The following LMF1 variants were observed in gnomAD, a reference collection of about 807,000 sequenced individuals.
LMF1 encodes lipase maturation factor 1, also known as transmembrane protein 112.
Under a neutral mutation model 60.6 loss-of-function variants are expected in LMF1, and 68 were observed. The ratio of observed to expected loss-of-function variants is 1.12; its 90% confidence interval spans 0.92 to 1.37. The LOEUF (loss-of-function observed/expected upper bound fraction) is 1.37, where lower values mean the gene tolerates loss of function less well. Ranked by LOEUF, LMF1 falls within the 40% of genes most tolerant of loss-of-function variation. LMF1 has a pLI of 0.00. For missense variants in LMF1, 948 were observed against 767.2 expected, an observed-to-expected ratio of 1.24 and a Z score of -2.78; for synonymous variants, 418 against 324.7, an observed-to-expected ratio of 1.29 and a Z score of -3.09.
At chr16:949,950 C>T (rs1185263098) in intron 2 of LMF1, among the ~76,000 whole-genome samples, 1 of 138,862 alleles carries the variant, frequency 7.2e-6, no homozygotes, top group African/African-American at 2.9e-5. Context: ...TCAGAGCCAA[C>T]GACAGAGTCA....
rs760453350 is a variant in LMF1 at position 879,718 on chromosome 16, G to C, written c.749C>G (p.Pro250Arg). ...FHYETQPMPN[P>R]VAYYLHHSPW... ...TGAGTGGTGCAGGTAGTACGCCACA[G>C]GATTGGGCATCGGCTGGGTCTGCAG... Residue 250 changes from proline to arginine, a missense_variant, in exon 6 of 11, where the codon CCT becomes CGT. Transcript: ENST00000262301. The C allele has an allele frequency of 4.1e-5, 65 of 1,595,168 alleles. No homozygotes were observed. The highest frequency in any genetic ancestry group is 6.0e-6 in the Non-Finnish European group (7 of 1,171,336).
At chr16:976,561 T>C (rs955876371) in intron 1 of LMF1, 2 of 454,092 alleles carry the variant, frequency 4.4e-6, no homozygotes, top group South Asian at 3.1e-5. Flanking sequence ...GGCTCCTGCC[T>C]AGGGATGTTT....
chr16:933,917 C>G (rs2071864124), intron 3 of LMF1: 1 of 1,310,776 alleles, frequency 7.6e-7, no homozygotes, highest in African/African-American at 1.5e-5. Context: ...GAGGGGCACA[C>G]AGCCTTGAGC....
intron 10 of LMF1, chr16:855,896 C>T: frequency 2.2e-6 from 1 of 455,960 alleles, no homozygotes; most frequent in Non-Finnish European, 4.4e-6. Flanking sequence ...CTTAGGCTGG[C>T]AGGGTGAGGG....
chr16:855,078 C>G, intron 10 of LMF1: 2 of 341,808 alleles, frequency 5.9e-6, no homozygotes, highest in South Asian at 2.9e-5. Context: ...AAGTGTCCCC[C>G]GCCTGGGAAG....
chr16:920,941 G>C (rs1433708132), intron 3 of LMF1: 1 of 152,272 alleles, frequency 6.6e-6, no homozygotes, highest in Non-Finnish European at 1.5e-5. Context: ...GGACACCGCT[G>C]TTCTCCCCGG....
intron 10 of LMF1, chr16:855,641 G>A (rs1266737076): frequency 2.2e-6 from 1 of 452,836 alleles, no homozygotes; most frequent in Non-Finnish European, 4.5e-6. Context: ...TCAGCCCACA[G>A]GGCGGCTGCT....
chr16:909,423 C>A (rs1226073647), intron 4 of LMF1, among the ~76,000 whole-genome samples: 1 of 152,202 alleles, frequency 6.6e-6, no homozygotes, highest in African/African-American at 2.4e-5. Flanking sequence ...AACACTACAC[C>A]AAGCCACGCC....
chr16:891,822 C>T (rs1337613238), intron 5 of LMF1, among the ~76,000 whole-genome samples: 3 of 152,228 alleles, frequency 2.0e-5, no homozygotes, highest in African/African-American at 7.2e-5. Context: ...GCTTTGTTGG[C>T]GAAAGCCTCT....
chr16:934,212 C>T (rs747370202), intron 3 of LMF1, 32 bp downstream of exon 3: 21 of 1,599,182 alleles, frequency 1.3e-5, no homozygotes, highest in South Asian at 3.3e-5. Context: ...GCTCAACTCT[C>T]GCAGAGCTTT....
chr16:976,627 T>G (rs1312186953), intron 1 of LMF1: 2 of 454,018 alleles, frequency 4.4e-6, no homozygotes, highest in East Asian at 1.4e-4. Context: ...AGAGAGCAAA[T>G]GCGTGCTGTT....
intron 5 of LMF1, among the ~76,000 whole-genome samples, chr16:882,539 T>A (rs1461050451): frequency 6.6e-6 from 1 of 152,208 alleles, no homozygotes; most frequent in Admixed American, 6.5e-5. Flanking sequence ...GGCCTAGCTA[T>A]CAGCTCGTGA....
chr16:955,461 G>T (rs2072671496), intron 1 of LMF1, among the ~76,000 whole-genome samples: 2 of 125,962 alleles, frequency 1.6e-5, no homozygotes, highest in South Asian at 2.8e-4. Context: ...AGCAGACGCG[G>T]TGTGTGCATA....
In LMF1 at chr16:937,673, G is replaced by A. The variant is rs553185240; in HGVS notation, c.504-3419C>T. Among the ~76,000 whole-genome samples, 9 of 152,336 alleles carry A rather than the reference G, an allele frequency of 5.9e-5. No individual in the cohort carries two copies. In the East Asian group the frequency reaches 1.5e-3, roughly 26 times the overall value. On this transcript the variant is annotated intron_variant, in intron 2 of 10. Coordinates refer to ENST00000262301, the MANE Select transcript of LMF1 (RefSeq NM_022773.4). ...ATGGGGGCTCCCATTTCTATAGGAA[G>A]CTTTTGATTTAAAAACACATTTGGC...
chr16:970,105 GC>G (rs1319620948), intron 1 of LMF1, among the ~76,000 whole-genome samples: 2 of 152,220 alleles, frequency 1.3e-5, no homozygotes, highest in Non-Finnish European at 2.9e-5. Flanking sequence ...TTCCGGAGCT[GC>G]CCCCAGACCT....
chr16:966,530 C>T (rs527876311), intron 1 of LMF1, among the ~76,000 whole-genome samples: 2 of 152,376 alleles, frequency 1.3e-5, no homozygotes, highest in South Asian at 2.1e-4. Flanking sequence ...TCACATTTCA[C>T]CTACAGATCC....
Position 950,789 on chromosome 16 carries a change from G to A in LMF1, c.503+3568C>T, listed in dbSNP as rs1567302646. ...AGAGTCAGAGCCAACGACAGAGTCA[G>A]CCAATGACAGAGTCAGACGACAGAG... On this transcript the variant is annotated intron_variant, in intron 2 of 10. Coordinates refer to ENST00000262301, the MANE Select transcript of LMF1 (RefSeq NM_022773.4). Among the ~76,000 whole-genome samples, 6 of 117,998 alleles carry A rather than the reference G, an allele frequency of 5.1e-5. 1 individual carries two copies. The highest frequency in any genetic ancestry group is 1.0e-4 in the Non-Finnish European group (6 of 58,668). 77.4% of individuals were successfully genotyped at this position (117,998 alleles called of 152,430 possible).
At chr16:899,609 GCTCTGAT>G (rs2070754712) in intron 4 of LMF1, 1 of 152,228 alleles carries the variant, frequency 6.6e-6, no homozygotes, top group African/African-American at 2.4e-5. Context: ...TTCATCAGTG[GCTCTGAT>G]GCCAAGCAGC....
chr16:917,263 G>A (rs1294750977), intron 3 of LMF1, among the ~76,000 whole-genome samples: 1 of 152,064 alleles, frequency 6.6e-6, no homozygotes, highest in Non-Finnish European at 1.5e-5. Context: ...TGCTGCGCAG[G>A]CCCACGTGAA....
Sources: gnomAD v4.1 joint callset for allele counts (sites outside exome capture counted in the v4.1 genomes callset) on GRCh38, gnomAD v4.1.1 for gene constraint, MANE v1.5 for transcripts, NCBI Gene and HGNC (gene_info 2026-07-23, HGNC 2026-07-21) for gene names.